Variants in NUP35 observed in about 807,000 individuals in gnomAD.
NUP35 encodes nucleoporin NUP35.
NUP35 carries 25 observed loss-of-function variants against 41.5 expected under a neutral mutation model. That is an observed-to-expected ratio of 0.60 (90% CI 0.44 to 0.84). The LOEUF is 0.84. Ranked by LOEUF, NUP35 falls within the 40% of genes least tolerant of loss-of-function variation. NUP35 has a pLI of 0.00. For synonymous variants in NUP35, 149 were observed against 130.7 expected (o/e 1.14, Z -0.96); for missense variants, 396 against 396.6 (o/e 1.00, Z 0.01).
At chr2:183,135,543 A>T (rs1253992886) in intron 4 of NUP35, among the ~76,000 whole-genome samples, 1 of 152,184 alleles carries the variant, frequency 6.6e-6, no homozygotes, top group Non-Finnish European at 1.5e-5. Flanking sequence ...GCTGGGTTCA[A>T]CTAGTTTGGG....
upstream of NUP35, among the ~76,000 whole-genome samples, chr2:183,124,034 G>A (rs757107510): frequency 6.6e-6 from 1 of 152,134 alleles, no homozygotes; most frequent in Non-Finnish European, 1.5e-5. Flanking sequence ...TCCAGAAATC[G>A]ACATTGCAAA....
rs758345260 is a variant in NUP35 at position 183,128,247 on chromosome 2, G to GT, written c.41-39dup. 2.5e-5 allele frequency: 36 copies of GT among 1,454,652 alleles called. No homozygotes were observed. The South Asian group carries it at 5.9e-4, about 24-fold the overall frequency. 90.1% of individuals were successfully genotyped at this position (1,454,652 alleles called of 1,614,324 possible). On this transcript the variant is annotated intron_variant, in intron 1 of 8. Coordinates refer to ENST00000295119, the MANE Select transcript of NUP35 (RefSeq NM_138285.5). ...TTGTCATCAACATGTAACAGAAACT[G>GT]TAACAGAAAAGTCCTTAATTTATTT... is the stretch of plus-strand genomic sequence containing the variant.
At chr2:183,130,380 A>G (rs372394585) in intron 2 of NUP35, 38 bp from the exon 3 acceptor site, 11 of 1,487,546 alleles carry the variant, frequency 7.4e-6, no homozygotes, top group Admixed American at 7.3e-5. Flanking sequence ...ACCAAAAAGA[A>G]GAATCCCTTT....
chr2:183,122,564 T>C (rs1348453041), upstream of NUP35, among the ~76,000 whole-genome samples: 4 of 152,246 alleles, frequency 2.6e-5, no homozygotes, highest in Non-Finnish European at 5.9e-5. Flanking sequence ...TACACTCATA[T>C]CAAATCCATC....
At chr2:183,149,919 A>G (rs960889903) in intron 4 of NUP35, among the ~76,000 whole-genome samples, 4 of 151,304 alleles carry the variant, frequency 2.6e-5, no homozygotes, top group South Asian at 2.1e-4. Flanking sequence ...TAATTTTTTT[A>G]TTTTTTTGAG....
At chr2:183,138,269 A>T (rs201428349) in intron 4 of NUP35, among the ~76,000 whole-genome samples, 29,562 of 79,376 alleles carry the variant, frequency 0.37, 5,292 homozygotes, top group Middle Eastern at 0.43. Context: ...ATATATATAT[A>T]TTTTTTTTTT....
chr2:183,144,469 T>A (rs1342874001), intron 4 of NUP35, among the ~76,000 whole-genome samples: 1 of 152,224 alleles, frequency 6.6e-6, no homozygotes, highest in Non-Finnish European at 1.5e-5. Flanking sequence ...CAAGTTTCAT[T>A]TGGCTCGTAT....
At position 183,151,115 on chromosome 2, in the gene NUP35, C is replaced by T. The variant is rs146163417; in HGVS notation, c.398-393C>T. Among the ~76,000 whole-genome samples, 1,049 of 152,248 alleles carry T rather than the reference C, an allele frequency of 6.9e-3. 4 individuals carry two copies. Among genetic ancestry groups the T allele is most frequent in the Admixed American group, 0.012 (184 of 15,288 alleles). ...ACTGTATAGCTGAGGCCAAGGCATT[C>T]GGATTTTGTTCTGTGGGTAATACAT... On this transcript the variant is annotated intron_variant, in intron 4 of 8. Coordinates refer to ENST00000295119, the MANE Select transcript of NUP35 (RefSeq NM_138285.5).
chr2:183,160,916 A>G (rs1443316204), intron 8 of NUP35, 138 bp from the exon 9 acceptor site: 3 of 602,186 alleles, frequency 5.0e-6, no homozygotes, highest in African/African-American at 1.9e-5. Flanking sequence ...CCCCGTCTCT[A>G]CTAAAAATAC....
At chr2:183,129,589 T>A (rs1684623996) in intron 2 of NUP35, among the ~76,000 whole-genome samples, 1 of 152,254 alleles carries the variant, frequency 6.6e-6, no homozygotes, top group South Asian at 2.1e-4. Context: ...TGATTGCTTA[T>A]GAGCCTGGCA....
chr2:183,133,511 C>A (rs1684767859), intron 3 of NUP35, 55 bp from the exon 4 acceptor site: 2 of 1,398,324 alleles, frequency 1.4e-6, no homozygotes, highest in Admixed American at 3.8e-5. Flanking sequence ...CCTTTTAACA[C>A]TTACTGTATT....
chr2:183,132,131 C>T lies in NUP35; in HGVS notation c.340-1435C>T, dbSNP rs1684715963. Among the ~76,000 whole-genome samples, 2 of 152,032 alleles carry T rather than the reference C, an allele frequency of 1.3e-5. 1 individual carries two copies. The highest frequency in any genetic ancestry group is 2.9e-5 in the Non-Finnish European group (2 of 68,012). On this transcript the variant is annotated intron_variant, in intron 3 of 8. Transcript: ENST00000295119. ...CTCGACATCCTGGGCTCAAGTGATC[C>T]TCCCACCTCTTCTCCCTAGTAGCAG... is the stretch of plus-strand genomic sequence containing the variant.
At chr2:183,144,038 T>G (rs1022445434) in intron 4 of NUP35, among the ~76,000 whole-genome samples, 1 of 152,258 alleles carries the variant, frequency 6.6e-6, no homozygotes, top group Non-Finnish European at 1.5e-5. Context: ...TTGTAATGTT[T>G]GGTAGTTTAC....
chr2:183,148,044 G>C (rs1685341450), intron 4 of NUP35, among the ~76,000 whole-genome samples: 1 of 152,062 alleles, frequency 6.6e-6, no homozygotes, highest in Admixed American at 6.6e-5. Context: ...ACTCGCTTAT[G>C]AGTGAGCATA....
chr2:183,127,586 G>T (rs1231589399), intron 1 of NUP35, among the ~76,000 whole-genome samples: 1 of 152,108 alleles, frequency 6.6e-6, no homozygotes, highest in Non-Finnish European at 1.5e-5. Context: ...AACTTTTTAT[G>T]GGGAAGAAAA....
chr2:183,138,205 C>T (rs1341562269), intron 4 of NUP35, among the ~76,000 whole-genome samples: 1 of 143,658 alleles, frequency 7.0e-6, no homozygotes, highest in Non-Finnish European at 1.5e-5. Context: ...AGAGAATTGA[C>T]AGGAAAATTG....
Position 183,154,089 on chromosome 2 carries a change from G to C in NUP35, c.539+2440G>C, listed in dbSNP as rs373598159. 3.9e-5 allele frequency among the ~76,000 whole-genome samples: 6 copies of C among 152,304 alleles called. No homozygotes were observed. In the East Asian group the frequency reaches 1.2e-3, roughly 29 times the overall value. ...TTGTCCCCTTTCAGCCACGGCTGCA[G>C]GGGCTGGGATACAGGGCACCAAGTC... On this transcript the variant is annotated intron_variant, in intron 5 of 8. Coordinates refer to ENST00000295119, the MANE Select transcript of NUP35 (RefSeq NM_138285.5).
At chr2:183,157,301 CG>C in intron 5 of NUP35, 142 bp from the exon 6 acceptor site, 1 of 674,024 alleles carries the variant, frequency 1.5e-6, no homozygotes. Context: ...TAGCCCATAT[CG>C]GGGAAAACAG....
At chr2:183,123,459 G>C (rs1363090909), upstream of NUP35, among the ~76,000 whole-genome samples, 1 of 152,160 alleles carries the variant, frequency 6.6e-6, no homozygotes, top group Non-Finnish European at 1.5e-5. Context: ...TTTAAAATTT[G>C]ATTTCTGTGA....
Sources: gnomAD v4.1 joint callset for allele counts (sites outside exome capture counted in the v4.1 genomes callset) on GRCh38, gnomAD v4.1.1 for gene constraint, MANE v1.5 for transcripts, NCBI Gene and HGNC (gene_info 2026-07-23, HGNC 2026-07-21) for gene names.